Variants in KIZ observed in about 807,000 individuals in gnomAD.
KIZ encodes the protein centrosomal protein kizuna.
A neutral mutation model predicts 79.6 loss-of-function variants in KIZ; 68 were observed. The ratio of observed to expected loss-of-function variants is 0.85; its 90% CI spans 0.70 to 1.05. The LOEUF is 1.05. Among genes scored for constraint, KIZ ranks in the 50% least tolerant of loss-of-function variants. The probability of loss-of-function intolerance (pLI) is 0.00; values close to 1 mark genes in which losing one functional copy is unlikely to be tolerated. For missense variants in KIZ, 797 were observed against 800.4 expected, an observed-to-expected ratio of 1.00 and a Z score of 0.05; for synonymous variants, 280 against 281.8, an observed-to-expected ratio of 0.99 and a Z score of 0.06.
In KIZ at chr20:21,132,007, A is replaced by G. The variant is rs190648630; in HGVS notation, c.90-90A>G. The G allele has an allele frequency of 3.3e-4, 220 of 668,914 alleles. 1 individual carries two copies. The highest frequency in any genetic ancestry group is 3.1e-3 in the Middle Eastern group (12 of 3,934). The allele number at this position is 668,914 out of a possible 1,614,324, so 41.4% of individuals were successfully genotyped here. ...TTTGACCTCTAATCAACACCTTGCA[A>G]CAAAGCCATTATTTCAAAGAAGAGC... is the stretch of plus-strand genomic sequence containing the variant. On this transcript the variant is annotated intron_variant, in intron 1 of 12. Coordinates refer to ENST00000619189, the MANE Select transcript of KIZ (RefSeq NM_018474.6).
chr20:21,207,869 C>G (rs954110063), intron 7 of KIZ, among the ~76,000 whole-genome samples: 2 of 151,986 alleles, frequency 1.3e-5, no homozygotes, highest in African/African-American at 4.8e-5. Context: ...TGCCACCATG[C>G]CCGGCTGATT....
At chr20:21,231,109 G>T (rs2036818617) in intron 10 of KIZ, among the ~76,000 whole-genome samples, 1 of 152,194 alleles carries the variant, frequency 6.6e-6, no homozygotes, top group African/African-American at 2.4e-5. Flanking sequence ...AAGGGAGGCG[G>T]ATCACCTGAG....
intron 3 of KIZ, among the ~76,000 whole-genome samples, chr20:21,142,093 ACACT>A (rs1208743403): frequency 2.6e-5 from 4 of 151,634 alleles, no homozygotes; most frequent in East Asian, 1.9e-4. Context: ...ACGTACACAC[ACACT>A]CTCTCTCACA....
intron 6 of KIZ, chr20:21,202,167 T>C (rs1010228775): frequency 2.6e-5 from 4 of 152,230 alleles, no homozygotes; most frequent in African/African-American, 9.6e-5. Flanking sequence ...TCATTTTGCT[T>C]CTGCAGAAAA....
chr20:21,187,768 TTCA>T (rs1292741056), intron 6 of KIZ, among the ~76,000 whole-genome samples: 1 of 152,206 alleles, frequency 6.6e-6, no homozygotes, highest in African/African-American at 2.4e-5. Context: ...CAGATACCTT[TTCA>T]TCATCATCAT....
intron 6 of KIZ, chr20:21,197,717 C>A (rs1024188190): frequency 4.6e-5 from 7 of 152,228 alleles, no homozygotes; most frequent in African/African-American, 1.7e-4. Context: ...ATAGTTGCTG[C>A]ATTTTAATGT....
chr20:21,244,202 G>A (rs2037314456), intron 11 of KIZ, 43 bp from the exon 12 acceptor site: 4 of 1,406,124 alleles, frequency 2.8e-6, no homozygotes, highest in Admixed American at 3.4e-5. Context: ...TAGTCTCATT[G>A]TCTTTTCTTT....
At chr20:21,222,326 G>T (rs1209923574) in intron 9 of KIZ, among the ~76,000 whole-genome samples, 1 of 152,186 alleles carries the variant, frequency 6.6e-6, no homozygotes, top group Non-Finnish European at 1.5e-5. Context: ...CCATGCCCCA[G>T]CCACACCCTT....
At chr20:21,201,256 T>C (rs1315919384) in intron 6 of KIZ, among the ~76,000 whole-genome samples, 3 of 152,232 alleles carry the variant, frequency 2.0e-5, no homozygotes, top group African/African-American at 7.2e-5. Flanking sequence ...TTGACAACTA[T>C]GAATTATAAA....
At chr20:21,193,121 A>G (rs1364924654) in intron 6 of KIZ, among the ~76,000 whole-genome samples, 1 of 152,136 alleles carries the variant, frequency 6.6e-6, no homozygotes, top group Non-Finnish European at 1.5e-5. Context: ...CAGCATTTCA[A>G]AATGCTGTAT....
chr20:21,244,039 G>A (rs997854573), intron 11 of KIZ, among the ~76,000 whole-genome samples: 3 of 152,248 alleles, frequency 2.0e-5, no homozygotes, highest in African/African-American at 7.2e-5. Context: ...CACGCAGGAC[G>A]GGAGCAATGC....
At chr20:21,180,638 G>A (rs192013408) in intron 6 of KIZ, among the ~76,000 whole-genome samples, 27 of 152,276 alleles carry the variant, frequency 1.8e-4, no homozygotes, top group Middle Eastern at 3.4e-3. Flanking sequence ...AAGTTAGAGA[G>A]GAGACTCTGA....
chr20:21,177,943 T>A (rs1273286283), intron 6 of KIZ, among the ~76,000 whole-genome samples: 1 of 152,166 alleles, frequency 6.6e-6, no homozygotes, highest in Non-Finnish European at 1.5e-5. Flanking sequence ...TCTATATGTC[T>A]GTCTTTATGC....
intron 3 of KIZ, among the ~76,000 whole-genome samples, chr20:21,141,204 G>A: frequency 6.6e-6 from 1 of 152,104 alleles, no homozygotes; most frequent in Non-Finnish European, 1.5e-5. Context: ...CTTGTCTCAG[G>A]TTGGGTTCTC....
chr20:21,148,545 C>A (rs2032963131), intron 4 of KIZ, among the ~76,000 whole-genome samples: 1 of 152,180 alleles, frequency 6.6e-6, no homozygotes, highest in African/African-American at 2.4e-5. Flanking sequence ...CTCAGATCCT[C>A]ACAAATTTTA....
intron 1 of KIZ, among the ~76,000 whole-genome samples, chr20:21,131,633 T>C (rs1244251477): frequency 2.0e-5 from 3 of 152,212 alleles, no homozygotes; most frequent in Non-Finnish European, 4.4e-5. Context: ...TCTTGTTTAT[T>C]ATTGTCTGTC....
chr20:21,163,268 A>G (rs1399410471), intron 6 of KIZ, 109 bp downstream of exon 6: 3 of 746,164 alleles, frequency 4.0e-6, no homozygotes, highest in Non-Finnish European at 6.6e-6. Context: ...GAATGTGTAA[A>G]TTCCTTAAGT....
chr20:21,143,158 C>G (rs113417704), intron 3 of KIZ, among the ~76,000 whole-genome samples: 72 of 152,268 alleles, frequency 4.7e-4, no homozygotes, highest in Middle Eastern at 6.8e-3. Flanking sequence ...TTAGTTGCAT[C>G]TCTCATACTG....
intron 4 of KIZ, chr20:21,150,979 G>A (rs2033090254): frequency 6.6e-6 from 1 of 152,266 alleles, no homozygotes; most frequent in African/African-American, 2.4e-5. Flanking sequence ...CTGGTGGGGA[G>A]TGTGGCTCTG....
Sources: allele counts gnomAD v4.1 joint callset (sites outside exome capture counted in the v4.1 genomes callset), GRCh38; gene constraint gnomAD v4.1.1; transcripts MANE v1.5; gene names NCBI Gene and HGNC (gene_info 2026-07-23, HGNC 2026-07-21).